The following DGKG variants were observed in gnomAD, a reference collection of about 807,000 sequenced individuals.
DGKG encodes diacylglycerol kinase gamma.
Under a neutral mutation model 105.3 loss-of-function variants are expected in DGKG, and 78 were observed. The ratio of observed to expected loss-of-function variants is 0.74; its 90% CI spans 0.62 to 0.89. The LOEUF is 0.89. Ranked by LOEUF, DGKG falls within the 40% of genes least tolerant of loss-of-function variation. DGKG has a pLI of 0.00. For synonymous variants in DGKG, 346 were observed against 367.1 expected, an observed-to-expected ratio of 0.94 and a Z score of 0.66; for missense variants, 958 against 1,020.1, an observed-to-expected ratio of 0.94 and a Z score of 0.83.
chr3:186,343,594 T>A (rs1726189337), intron 1 of DGKG, among the ~76,000 whole-genome samples: 1 of 152,176 alleles, frequency 6.6e-6, no homozygotes, highest in Non-Finnish European at 1.5e-5. Context: ...CTATCTTATT[T>A]TTATTATCAA....
chr3:186,283,339 C>T (rs1247722210), intron 7 of DGKG, among the ~76,000 whole-genome samples: 1 of 152,174 alleles, frequency 6.6e-6, no homozygotes, highest in African/African-American at 2.4e-5. Context: ...TCATTCTGCT[C>T]CATTCACACT....
At chr3:186,298,727 C>T (rs1180168978) in intron 3 of DGKG, among the ~76,000 whole-genome samples, 1 of 152,138 alleles carries the variant, frequency 6.6e-6, no homozygotes, top group African/African-American at 2.4e-5. Context: ...TCTTGGTTTC[C>T]CTCTTGTACC....
intron 1 of DGKG, among the ~76,000 whole-genome samples, chr3:186,327,902 AAG>A (rs1725425541): frequency 6.6e-6 from 1 of 152,100 alleles, no homozygotes; most frequent in African/African-American, 2.4e-5. Flanking sequence ...CCAGGAAAAA[AAG>A]AGCTGTCTCC....
chr3:186,311,980 G>A (rs1724568746), intron 2 of DGKG, among the ~76,000 whole-genome samples: 1 of 140,600 alleles, frequency 7.1e-6, no homozygotes, highest in Admixed American at 6.8e-5. Context: ...GCCGGGCGCG[G>A]TGGCGGGCGC....
At chr3:186,299,841 T>TTTCTTTCTTTCTTC (rs1446531456) in intron 3 of DGKG, among the ~76,000 whole-genome samples, 2 of 74,614 alleles carry the variant, frequency 2.7e-5, no homozygotes, top group African/African-American at 5.9e-5. Flanking sequence ...TTCTTTCTTT[T>TTTCTTTCTTTCTTC]TTTTTTTTTT....
At chr3:186,158,303 A>G (rs1038766693) in intron 24 of DGKG, 1 of 875,528 alleles carries the variant, frequency 1.1e-6, no homozygotes, top group Non-Finnish European at 1.4e-6. Context: ...TGAGGCTTTT[A>G]ATTTACTTCC....
intron 21 of DGKG, among the ~76,000 whole-genome samples, chr3:186,201,924 C>T (rs1399095178): frequency 3.3e-5 from 5 of 152,200 alleles, no homozygotes; most frequent in African/African-American, 9.7e-5. Context: ...CCTTTATCAA[C>T]TAAATGGACA....
At chr3:186,290,666 C>A (rs1723274562) in intron 5 of DGKG, among the ~76,000 whole-genome samples, 1 of 152,180 alleles carries the variant, frequency 6.6e-6, no homozygotes, top group Non-Finnish European at 1.5e-5. Flanking sequence ...GCCAGGCCAA[C>A]CCTGGAAGTC....
rs571760504 is a variant in DGKG at position 186,265,300 on chromosome 3, G to C, written c.1216C>G (p.Pro406Ala). 1.2e-6 allele frequency: 2 copies of C among 1,613,990 alleles called. No homozygotes were observed. The highest frequency in any genetic ancestry group is 1.3e-5 in the African/African-American group (1 of 74,938). The change falls in exon 14 of 25, where the codon CCA (proline) becomes GCA (alanine). Residue 406 changes from proline to alanine, a missense_variant. This residue lies in a region of DGKG where 643 missense variants were observed against 619.5 expected (regional missense o/e 1.04). Transcript: ENST00000265022. ...TSICPITRDR[P>A]GEKSDGCVSA... ...ACGCAGCCATCAGACTTCTCACCTG[G>C]CCTGTCCTGTGACAAGAAAGGAAAG...
chr3:186,284,562 A>G lies in DGKG; in HGVS notation c.594+98T>C, dbSNP rs549213592. 249 of 1,073,316 alleles carry G rather than the reference A, an allele frequency of 2.3e-4. 1 individual carries two copies. The African/African-American group carries it at 3.5e-3, about 15-fold the overall frequency. 66.5% of individuals were successfully genotyped at this position (1,073,316 alleles called of 1,614,324 possible). A position where few individuals can be genotyped will look rare whatever the true frequency, so the allele number is the denominator to read the frequency against. ...TGCATCGAGACATTGCTATTACTAC[A>G]AAGACGGAACTGAACATTTTCAGAT... On this transcript the variant is annotated intron_variant, in intron 7 of 24. Coordinates refer to ENST00000265022, the MANE Select transcript of DGKG (RefSeq NM_001346.3). This position sits in a 1 kb window ranked among gnomAD's most constrained non-coding sequence, Gnocchi z 4.0.
At chr3:186,264,454 G>A (rs1274380834) in intron 14 of DGKG, among the ~76,000 whole-genome samples, 1 of 152,086 alleles carries the variant, frequency 6.6e-6, no homozygotes, top group African/African-American at 2.4e-5. Flanking sequence ...AGTAGAGATG[G>A]GGTTTCACCA....
intron 22 of DGKG, among the ~76,000 whole-genome samples, chr3:186,172,445 C>T (rs548597120): frequency 1.8e-4 from 28 of 152,192 alleles, no homozygotes; most frequent in Non-Finnish European, 1.5e-4. Flanking sequence ...TAAACCACAC[C>T]ACCATGGTGG....
chr3:186,188,470 G>A (rs1717749806), intron 21 of DGKG, 91 bp from the exon 22 acceptor site: 1 of 882,360 alleles, frequency 1.1e-6, no homozygotes. Flanking sequence ...GTGTGTGTGT[G>A]TACTCTCTTA....
chr3:186,344,543 A>G (rs1261376961), intron 1 of DGKG, among the ~76,000 whole-genome samples: 1 of 152,206 alleles, frequency 6.6e-6, no homozygotes, highest in African/African-American at 2.4e-5. Context: ...AAGAACTTAA[A>G]GAACTTATGA....
chr3:186,264,128 A>T (rs1721924635), intron 14 of DGKG, among the ~76,000 whole-genome samples: 1 of 152,130 alleles, frequency 6.6e-6, no homozygotes, highest in Admixed American at 6.5e-5. Context: ...CCTGCCCTAA[A>T]CAACTGGCAT....
chr3:186,317,564 A>T (rs546160168), intron 2 of DGKG, among the ~76,000 whole-genome samples: 2 of 152,074 alleles, frequency 1.3e-5, no homozygotes, highest in Non-Finnish European at 2.9e-5. Context: ...AGCTGCTTGC[A>T]GTTCTTGGAA....
intron 2 of DGKG, among the ~76,000 whole-genome samples, chr3:186,308,971 G>T (rs115199612): frequency 2.0e-5 from 3 of 152,210 alleles, no homozygotes; most frequent in African/African-American, 7.2e-5. Flanking sequence ...AATTCGACTT[G>T]CTCAAGAGCC....
rs1560086614 is a variant in DGKG at position 186,188,269 on chromosome 3, GTTC to G, written c.2025_2027del (p.Lys675del). The G allele has an allele frequency of 6.2e-7, 1 of 1,614,140 alleles. No individual in the cohort carries two copies. Among genetic ancestry groups the G allele is most frequent in the East Asian group, 2.2e-5 (1 of 44,872 alleles). On this transcript the variant is annotated inframe_deletion, in exon 22 of 25. Transcript: ENST00000265022. Reference sequence around the variant, plus strand: ...TCCTGCTTTCCCGGATCACAGCCCGGTTCTTCTTGTTTTCTCCCCAGAGATTGG... The same window carrying G: ...TCCTGCTTTCCCGGATCACAGCCCGGTTCTTGTTTTCTCCCCAGAGATTGG...
intron 21 of DGKG, among the ~76,000 whole-genome samples, chr3:186,211,290 A>G (rs933822036): frequency 6.6e-6 from 1 of 152,234 alleles, no homozygotes; most frequent in Non-Finnish European, 1.5e-5. Context: ...TTGCACACCC[A>G]CAAAACTGAC....
Sources: allele counts gnomAD v4.1 joint callset (sites outside exome capture counted in the v4.1 genomes callset), GRCh38; gene constraint gnomAD v4.1.1; regional missense constraint gnomAD v4.1.1; non-coding constraint Gnocchi (gnomAD v3.1); transcripts MANE v1.5; gene names NCBI Gene and HGNC (gene_info 2026-07-23, HGNC 2026-07-21).